Variants in WWOX observed in about 807,000 individuals in gnomAD.
The protein encoded by WWOX is WW domain containing oxidoreductase, also known as WW domain-containing oxidoreductase.
In WWOX, 69 loss-of-function variants were observed where a neutral mutation model predicts 46.2. The observed-to-expected ratio is 1.49, with a 90% CI of 1.23 to 1.82. The LOEUF (loss-of-function observed/expected upper bound fraction) is 1.82, where lower values mean the gene tolerates loss of function less well. Among genes scored for constraint, WWOX ranks in the 40% most tolerant of loss-of-function variants. WWOX has a pLI of 0.00. For synonymous variants in WWOX, 359 were observed against 202.6 expected (o/e 1.77, Z -6.56); for missense variants, 919 against 542.6 (o/e 1.69, Z -6.89).
chr16:78,597,653 A>C, intron 8 of WWOX, among the ~76,000 whole-genome samples: 1 of 152,130 alleles, frequency 6.6e-6, no homozygotes. Context: ...TCTTGCTTTT[A>C]TGCTTTCCAA....
chr16:78,425,036 G>C lies in WWOX; in HGVS notation c.772G>C (p.Val258Leu). The change falls in exon 7 of 9, where the codon GTC becomes CTC. Residue 258 changes from valine to leucine, a missense_variant. Val to Leu is a conservative substitution (Grantham distance 32). Coordinates refer to ENST00000566780, the MANE Select transcript of WWOX (RefSeq NM_016373.4). ...CTCAGCTCCTGCCCGTGTCATTGTG[G>C]TCTCCTCAGAGTCCCATCGGTGGGT... The part of the protein sequence containing the change: ...CRSAPARVIV[V>L]SSESHRFTDI... 6.2e-7 allele frequency: 1 copy of C among 1,613,840 alleles called. No individual in the cohort carries two copies. The highest frequency in any genetic ancestry group is 8.5e-7 in the Non-Finnish European group (1 of 1,180,014).
intron 6 of WWOX, among the ~76,000 whole-genome samples, chr16:78,421,155 C>G (rs551220293): frequency 6.6e-6 from 1 of 152,186 alleles, no homozygotes; most frequent in Non-Finnish European, 1.5e-5. Context: ...TTTTCTAAAG[C>G]TATTATAACA....
intron 8 of WWOX, among the ~76,000 whole-genome samples, chr16:78,775,342 C>A (rs1399476397): frequency 5.3e-5 from 8 of 152,132 alleles, no homozygotes; most frequent in African/African-American, 1.9e-4. Flanking sequence ...TCATCCCCTC[C>A]CCACCCCCAC....
At chr16:78,815,181 C>G (rs924152393) in intron 8 of WWOX, among the ~76,000 whole-genome samples, 4 of 152,026 alleles carry the variant, frequency 2.6e-5, no homozygotes, top group Non-Finnish European at 4.4e-5. Context: ...AAAAATTAAC[C>G]AGGCATGGTG....
At chr16:78,951,943 A>G (rs1393989708) in intron 8 of WWOX, among the ~76,000 whole-genome samples, 8 of 152,116 alleles carry the variant, frequency 5.3e-5, no homozygotes, top group Non-Finnish European at 1.2e-4. Context: ...ATATTTTTAA[A>G]CTGTAGCAAA....
intron 4 of WWOX, among the ~76,000 whole-genome samples, chr16:78,131,567 A>G (rs1453843206): frequency 6.6e-6 from 1 of 151,810 alleles, no homozygotes; most frequent in East Asian, 1.9e-4. Flanking sequence ...ATTTAAAAGT[A>G]CAGGATACTA....
intron 8 of WWOX, among the ~76,000 whole-genome samples, chr16:78,969,937 C>G (rs529168542): frequency 3.9e-5 from 6 of 152,148 alleles, no homozygotes; most frequent in Non-Finnish European, 2.9e-5. Flanking sequence ...TGTGGAAATT[C>G]TTTCACAACT....
At chr16:78,869,743 C>G (rs2044085643) in intron 8 of WWOX, among the ~76,000 whole-genome samples, 1 of 152,312 alleles carries the variant, frequency 6.6e-6, no homozygotes. Context: ...TTTCTAGTTT[C>G]TAAACAACAA....
chr16:78,353,692 C>A (rs986560941), intron 5 of WWOX, among the ~76,000 whole-genome samples: 2 of 152,236 alleles, frequency 1.3e-5, no homozygotes, highest in African/African-American at 4.8e-5. Flanking sequence ...TGAAGAACTG[C>A]AGTCTGTGGC....
At chr16:78,914,922 C>T (rs2045211620) in intron 8 of WWOX, among the ~76,000 whole-genome samples, 1 of 151,200 alleles carries the variant, frequency 6.6e-6, no homozygotes, top group African/African-American at 2.4e-5. Flanking sequence ...ATGGCCCTGC[C>T]CTTGAGCAGG....
intron 8 of WWOX, among the ~76,000 whole-genome samples, chr16:79,055,957 C>A (rs1245189204): frequency 6.6e-6 from 1 of 152,230 alleles, no homozygotes; most frequent in East Asian, 1.9e-4. Flanking sequence ...TATTTGAGCT[C>A]CATTTCAGTA....
chr16:78,432,090 T>G (rs1171106958), intron 7 of WWOX, among the ~76,000 whole-genome samples: 1 of 151,964 alleles, frequency 6.6e-6, no homozygotes, highest in Non-Finnish European at 1.5e-5. Flanking sequence ...GATTGAGTTT[T>G]TACTCATCTC....
intron 8 of WWOX, among the ~76,000 whole-genome samples, chr16:79,000,130 C>T (rs900235161): frequency 1.3e-5 from 2 of 152,176 alleles, no homozygotes; most frequent in African/African-American, 4.8e-5. Flanking sequence ...ACTGCTGCTC[C>T]TTTGTCCAGA....
chr16:78,508,216 G>T (rs961093902), intron 8 of WWOX, among the ~76,000 whole-genome samples: 5 of 151,730 alleles, frequency 3.3e-5, no homozygotes, highest in African/African-American at 1.2e-4. Context: ...TCGCCATGTT[G>T]GCCGGGCTGG....
chr16:79,108,826 T>G (rs1395141969), intron 8 of WWOX, among the ~76,000 whole-genome samples: 1 of 151,984 alleles, frequency 6.6e-6, no homozygotes, highest in Non-Finnish European at 1.5e-5. Context: ...GCTTGAGTCC[T>G]GGAGGTCGAG....
At chr16:78,510,274 C>G (rs1428345043) in intron 8 of WWOX, among the ~76,000 whole-genome samples, 1 of 151,974 alleles carries the variant, frequency 6.6e-6, no homozygotes, top group Non-Finnish European at 1.5e-5. Context: ...GGCGCGATCT[C>G]CACTCACCGC....
intron 5 of WWOX, among the ~76,000 whole-genome samples, chr16:78,318,514 T>A (rs1246529487): frequency 6.6e-6 from 1 of 152,138 alleles, no homozygotes; most frequent in Non-Finnish European, 1.5e-5. Flanking sequence ...AAATTGGAGT[T>A]CTTAAAACAA....
intron 4 of WWOX, among the ~76,000 whole-genome samples, chr16:78,135,958 G>A (rs2033776098): frequency 6.6e-6 from 1 of 152,176 alleles, no homozygotes; most frequent in South Asian, 2.1e-4. Flanking sequence ...ATGATGGGCA[G>A]TTGTGATAAC....
chr16:78,718,092 G>GTTTTT, intron 8 of WWOX, among the ~76,000 whole-genome samples: 1 of 139,614 alleles, frequency 7.2e-6, no homozygotes, highest in African/African-American at 2.9e-5. Context: ...GGTTCTGGTG[G>GTTTTT]TTGTATTTTT....
Sources: gnomAD v4.1 joint callset for allele counts (sites outside exome capture counted in the v4.1 genomes callset) on GRCh38, gnomAD v4.1.1 for gene constraint, MANE v1.5 for transcripts, NCBI Gene and HGNC (gene_info 2026-07-23, HGNC 2026-07-21) for gene names.